AK9: variants seen among roughly 807,000 people sequenced by gnomAD.
The protein encoded by AK9 is adenylate kinase domain containing 1.
AK9 carries 191 observed loss-of-function variants against 239.6 expected under a neutral mutation model. That is an observed-to-expected ratio of 0.80 (90% CI 0.71 to 0.90). AK9 has a LOEUF of 0.90. Among genes scored for constraint, AK9 ranks in the 40% least tolerant of loss-of-function variants. The pLI is 0.00. For missense variants in AK9, 1,995 were observed against 2,214.7 expected (o/e 0.90, Z 1.99); for synonymous variants, 689 against 721.0 (o/e 0.96, Z 0.71).
At chr6:109,501,403 G>A (rs995500307) in intron 35 of AK9, among the ~76,000 whole-genome samples, 2 of 152,144 alleles carry the variant, frequency 1.3e-5, no homozygotes, top group African/African-American at 2.4e-5. Flanking sequence ...TTGGGAAACC[G>A]TGCCCAAAGA....
At chr6:109,635,738 G>A (rs952106107) in intron 10 of AK9, among the ~76,000 whole-genome samples, 3 of 152,350 alleles carry the variant, frequency 2.0e-5, no homozygotes, top group Admixed American at 1.3e-4. Context: ...TGCCAGCTCT[G>A]TTGTGATTGG....
At chr6:109,602,759 C>T (rs1792210115) in intron 17 of AK9, among the ~76,000 whole-genome samples, 1 of 152,162 alleles carries the variant, frequency 6.6e-6, no homozygotes, top group Non-Finnish European at 1.5e-5. Flanking sequence ...TTCTTGGAGG[C>T]TTTGTTCATT....
At chr6:109,672,615 G>T (rs1438050883) in intron 3 of AK9, among the ~76,000 whole-genome samples, 1 of 152,154 alleles carries the variant, frequency 6.6e-6, no homozygotes, top group Non-Finnish European at 1.5e-5. Flanking sequence ...GAGCCCAGGA[G>T]GTCAAGTTTG....
intron 8 of AK9, among the ~76,000 whole-genome samples, chr6:109,648,934 A>G (rs895396262): frequency 6.6e-6 from 1 of 152,258 alleles, no homozygotes; most frequent in Non-Finnish European, 1.5e-5. Flanking sequence ...AGGCTGGTAC[A>G]ATATATGCAA....
At position 109,563,596 on chromosome 6, in the gene AK9, C is replaced by T; in HGVS notation, c.2751+1G>A. 6.5e-7 allele frequency: 1 copy of T among 1,548,364 alleles called. No individual in the cohort carries two copies. The highest frequency in any genetic ancestry group is 1.7e-4 in the Middle Eastern group (1 of 5,986). ...AATGAGTAGAAATAAAAGAATCATG[C>T]CTCTTCCTCTTCCTCTTCCTCTAGC... On this transcript the variant is annotated splice_donor_variant, in intron 24 of 40. Transcript: ENST00000424296. LOFTEE classifies it high-confidence loss of function.
In AK9 at chr6:109,563,643, G is replaced by A. The variant is rs1183096277; in HGVS notation, c.2705C>T (p.Thr902Ile). The A allele has an allele frequency of 6.4e-7, 1 of 1,550,560 alleles. No homozygotes were observed. The highest frequency in any genetic ancestry group is 8.7e-7 in the Non-Finnish European group (1 of 1,146,006). The change falls in exon 24 of 41, where the codon ACT becomes ATT. Residue 902 changes from threonine (T) to isoleucine (I), a missense_variant. Thr to Ile is a moderately conservative substitution (Grantham distance 89). This residue lies in a region of AK9 where 1,290 missense variants were observed against 1,392.7 expected (regional missense o/e 0.93). Transcript: ENST00000424296. ...DYEEETEDYQ[T>I]EAEVDEELEE... ...TAGCTCCTCATCAACCTCTGCTTCAGTCTGGTAGTCTTCTGTTTCTTCCTC... is the reference window on the plus strand; with the variant it reads ...TAGCTCCTCATCAACCTCTGCTTCAATCTGGTAGTCTTCTGTTTCTTCCTC...
chr6:109,630,891 G>C, intron 12 of AK9, among the ~76,000 whole-genome samples: 1 of 151,730 alleles, frequency 6.6e-6, no homozygotes. Context: ...CCCCAAAAGA[G>C]ACACACATAT....
rs551828152 is a variant in AK9 at position 109,651,582 on chromosome 6, A to G, written c.759+5174T>C. 2.6e-5 allele frequency among the ~76,000 whole-genome samples: 4 copies of G among 152,338 alleles called. No individual in the cohort carries two copies. In the South Asian group the frequency reaches 6.2e-4, roughly 24 times the overall value. Reference sequence around the variant, plus strand: ...ATAACTAAGATCAGAGCAGAACTGAAGGAGACAGAGACACATAAAACTCTT... The same window carrying G: ...ATAACTAAGATCAGAGCAGAACTGAGGGAGACAGAGACACATAAAACTCTT... On this transcript the variant is annotated intron_variant, in intron 8 of 40. Coordinates refer to ENST00000424296, the MANE Select transcript of AK9 (RefSeq NM_001145128.3).
intron 5 of AK9, among the ~76,000 whole-genome samples, chr6:109,671,295 C>G (rs1170174568): frequency 6.6e-6 from 1 of 151,770 alleles, no homozygotes; most frequent in South Asian, 2.1e-4. Context: ...TGATTTTATC[C>G]CAAACTTGTC....
chr6:109,574,346 C>T (rs1787802030), intron 20 of AK9, among the ~76,000 whole-genome samples: 1 of 152,048 alleles, frequency 6.6e-6, no homozygotes, highest in South Asian at 2.1e-4. Context: ...TGCACTCCAG[C>T]CTGGGTCATG....
rs773399734 is a variant in AK9 at position 109,688,554 on chromosome 6, T to C, written c.-12+2593A>G. ...CACAGCTAAGGCGCTAGCTTGGGAT[T>C]GTGTGGGATTGAGACAATGTACTTC... On this transcript the variant is annotated intron_variant, in intron 1 of 40. Coordinates refer to ENST00000424296, the MANE Select transcript of AK9 (RefSeq NM_001145128.3). Among the ~76,000 whole-genome samples the C allele has an allele frequency of 2.6e-5, 4 of 152,174 alleles. No homozygotes were observed. The South Asian group carries it at 6.2e-4, about 24-fold the overall frequency.
At chr6:109,601,090 G>C (rs1791884547) in intron 17 of AK9, among the ~76,000 whole-genome samples, 2 of 152,122 alleles carry the variant, frequency 1.3e-5, no homozygotes, top group Admixed American at 1.3e-4. Context: ...GTTCTGCTCT[G>C]ATCTTTGTTA....
chr6:109,540,589 C>T (rs1782746186), intron 27 of AK9, among the ~76,000 whole-genome samples: 1 of 152,212 alleles, frequency 6.6e-6, no homozygotes, highest in South Asian at 2.1e-4. Context: ...GGCTCACGCT[C>T]AGTGGGCTGC....
chr6:109,614,063 T>A lies in AK9; in HGVS notation c.1609+120A>T, dbSNP rs1793878100. On this transcript the variant is annotated intron_variant, in intron 15 of 40. Coordinates refer to ENST00000424296, the MANE Select transcript of AK9 (RefSeq NM_001145128.3). ...TAAATCCATAAGGAAATATTTAGCT[T>A]TTTTCCTCCTGAAGTTTCCAATTTT... 4 of 915,372 alleles carry A rather than the reference T, an allele frequency of 4.4e-6. No homozygotes were observed. The Admixed American group carries it at 7.3e-5, about 17-fold the overall frequency. 56.7% of individuals were successfully genotyped at this position (915,372 alleles called of 1,614,324 possible).
chr6:109,498,751 T>A (rs2024853), intron 36 of AK9, among the ~76,000 whole-genome samples: 57,025 of 152,174 alleles, frequency 0.37, 10,727 homozygotes, highest in South Asian at 0.44. Context: ...TGAGTCCTTG[T>A]TGTTCAGCAT....
chr6:109,544,239 G>C (rs1375900627), intron 26 of AK9, among the ~76,000 whole-genome samples: 1 of 152,198 alleles, frequency 6.6e-6, no homozygotes, highest in Non-Finnish European at 1.5e-5. Context: ...TGGATCATTT[G>C]AGAACAAATG....
At chr6:109,614,868 C>T (rs1052587367) in intron 13 of AK9, among the ~76,000 whole-genome samples, 2 of 152,098 alleles carry the variant, frequency 1.3e-5, no homozygotes, top group African/African-American at 4.8e-5. Flanking sequence ...CAAACTTCAA[C>T]AGCAAAAAAT....
chr6:109,574,035 T>C (rs952434084), intron 20 of AK9, among the ~76,000 whole-genome samples: 1 of 152,146 alleles, frequency 6.6e-6, no homozygotes, highest in Non-Finnish European at 1.5e-5. Flanking sequence ...AGATTTAATA[T>C]GAAAAACTAA....
intron 13 of AK9, among the ~76,000 whole-genome samples, chr6:109,616,027 G>A (rs1192809144): frequency 6.6e-6 from 1 of 152,034 alleles, no homozygotes; most frequent in East Asian, 1.9e-4. Context: ...CTTGAGGCCA[G>A]GAGTTAGAGA....
Sources: gnomAD v4.1 joint callset for allele counts (sites outside exome capture counted in the v4.1 genomes callset) on GRCh38, gnomAD v4.1.1 for gene constraint, gnomAD v4.1.1 regional missense constraint, MANE v1.5 for transcripts, NCBI Gene and HGNC (gene_info 2026-07-23, HGNC 2026-07-21) for gene names.